LRRCC1: variants seen among roughly 807,000 people sequenced by gnomAD.
LRRCC1 encodes leucine rich repeat and coiled-coil centrosomal protein 1, also known as leucine-rich repeat and coiled-coil domain-containing protein 1.
In LRRCC1, 115 loss-of-function variants were observed where a neutral mutation model predicts 126.0. That is an observed-to-expected ratio of 0.91 (90% confidence interval 0.78 to 1.07). The LOEUF (loss-of-function observed/expected upper bound fraction) is 1.07. Among genes scored for constraint, LRRCC1 ranks in the 50% least tolerant of loss-of-function variants. The probability of loss-of-function intolerance (pLI) is 0.00; values close to 1 mark genes in which losing one functional copy is unlikely to be tolerated. For synonymous variants in LRRCC1, 400 were observed against 393.4 expected (o/e 1.02, Z -0.20); for missense variants, 1,172 against 1,175.7 (o/e 1.00, Z 0.05).
chr8:85,120,388 C>T (rs1322896747), intron 6 of LRRCC1, among the ~76,000 whole-genome samples: 2 of 152,132 alleles, frequency 1.3e-5, no homozygotes, highest in Non-Finnish European at 2.9e-5. Context: ...TTGTGTTTCT[C>T]ACTTTAGTTC....
At chr8:85,135,176 G>T (rs112591837) in intron 13 of LRRCC1, 144 bp downstream of exon 13, 208 of 509,180 alleles carry the variant, frequency 4.1e-4, no homozygotes, top group African/African-American at 3.6e-3. Flanking sequence ...TATAACTAAA[G>T]AAATTAAGCT....
At chr8:85,144,474 ATTT>A (rs56095819) in intron 18 of LRRCC1, among the ~76,000 whole-genome samples, 11 of 46,880 alleles carry the variant, frequency 2.3e-4, no homozygotes, top group Non-Finnish European at 3.2e-4. Flanking sequence ...ATATATATAT[ATTT>A]TTTTTTTTTT....
intron 3 of LRRCC1, among the ~76,000 whole-genome samples, chr8:85,111,861 G>A (rs1046145831): frequency 6.6e-6 from 1 of 151,610 alleles, no homozygotes; most frequent in African/African-American, 2.4e-5. Context: ...ACCACTTTGG[G>A]AAGGAGTTTT....
chr8:85,124,368 T>A (rs1809803275), intron 7 of LRRCC1, among the ~76,000 whole-genome samples: 1 of 152,170 alleles, frequency 6.6e-6, no homozygotes, highest in African/African-American at 2.4e-5. Flanking sequence ...TTCCAGGACA[T>A]ACCCTGGAAT....
At chr8:85,111,696 A>T (rs987478641) in intron 3 of LRRCC1, among the ~76,000 whole-genome samples, 5 of 152,164 alleles carry the variant, frequency 3.3e-5, no homozygotes, top group African/African-American at 1.2e-4. Flanking sequence ...CCATGAAAAA[A>T]AATTGGTTGG....
chr8:85,112,044 T>A (rs2135918992), intron 3 of LRRCC1, among the ~76,000 whole-genome samples: 1 of 152,080 alleles, frequency 6.6e-6, no homozygotes, highest in Admixed American at 6.5e-5. Context: ...GTATTTTTAG[T>A]AGAGACGGGG....
In LRRCC1 at chr8:85,124,799, C is replaced by T. The variant is rs763380978; in HGVS notation, c.1132C>T (p.Arg378Cys). ...KNYNSFVSCN[R>C]KMKPPYLKEL... ...ATGTTTCATTCTTTACAGTTGTAAT[C>T]GTAAAATGAAACCACCTTACCTTAA... The change falls in exon 8 of 19, where the codon CGT becomes TGT. Residue 378 changes from arginine to cysteine, a missense_variant. Arg to Cys is a radical substitution (Grantham distance 180). Coordinates refer to ENST00000360375, the MANE Select transcript of LRRCC1 (RefSeq NM_033402.5). 2 of 1,545,564 alleles carry T rather than the reference C, an allele frequency of 1.3e-6. No individual in the cohort carries two copies. The highest frequency in any genetic ancestry group is 1.2e-5 in the South Asian group (1 of 80,870).
At chr8:85,123,325 A>G (rs547104837) in intron 6 of LRRCC1, 88 bp from the exon 7 acceptor site, 53 of 893,554 alleles carry the variant, frequency 5.9e-5, no homozygotes, top group Non-Finnish European at 9.0e-5. Flanking sequence ...TTAATCATAT[A>G]AAAAGATATA....
chr8:85,134,875 C>T lies in LRRCC1; in HGVS notation c.1997C>T (p.Thr666Ile). The change falls in exon 13 of 19, where the codon ACT becomes ATT. Residue 666 changes from threonine (T) to isoleucine (I), a missense_variant. Coordinates refer to ENST00000360375, the MANE Select transcript of LRRCC1 (RefSeq NM_033402.5). ...AAAGATGGTTTTGAAAATGTTGCAACTGAGTTAGCAAAGAGCAAACATGCT... is the reference window on the plus strand; with the variant it reads ...AAAGATGGTTTTGAAAATGTTGCAATTGAGTTAGCAAAGAGCAAACATGCT... ...DVKDGFENVA[T>I]ELAKSKHALI... The T allele has an allele frequency of 1.3e-6, 2 of 1,573,890 alleles. No homozygotes were observed. The highest frequency in any genetic ancestry group is 2.4e-5 in the South Asian group (2 of 82,996).
chr8:85,123,493 T>C lies in LRRCC1; in HGVS notation c.1011T>C (p.Tyr337=). 2 of 1,611,402 alleles carry C rather than the reference T, an allele frequency of 1.2e-6. No individual in the cohort carries two copies. Among genetic ancestry groups the C allele is most frequent in the South Asian group, 1.1e-5 (1 of 90,682 alleles). The part of the protein sequence containing the change: ...RDTDITSESD[Y]GNRKECNRKV... ...CAGATATAACTTCTGAAAGTGACTA[T>C]GGAAACAGAAAAGAATGCAATAGAA... is the stretch of plus-strand genomic sequence containing the variant. The change falls in exon 7 of 19, where the codon TAT becomes TAC. Residue 337 remains tyrosine, a synonymous_variant. Coordinates refer to ENST00000360375, the MANE Select transcript of LRRCC1 (RefSeq NM_033402.5).
At chr8:85,145,117 G>GTATATA (rs10647086) in intron 18 of LRRCC1, among the ~76,000 whole-genome samples, 65,779 of 142,896 alleles carry the variant, frequency 0.46, 15,524 homozygotes, top group Non-Finnish European at 0.52. Flanking sequence ...ATATATGTGT[G>GTATATA]TATATATATA....
intron 6 of LRRCC1, among the ~76,000 whole-genome samples, chr8:85,121,316 AC>A (rs1222751024): frequency 6.6e-6 from 1 of 152,048 alleles, no homozygotes; most frequent in Admixed American, 6.5e-5. Flanking sequence ...ATTAGGGTCT[AC>A]CATTTTATTG....
rs574420986 is a variant in LRRCC1, at chr8:85,114,751, T to C, written c.545-349T>C. 7.0e-4 allele frequency among the ~76,000 whole-genome samples: 107 copies of C among 152,250 alleles called. 1 individual carries two copies. The highest frequency in any genetic ancestry group is 3.4e-3 in the Middle Eastern group (1 of 294). ...TCATTTATGTTGTTTATATTAACCA[T>C]ATTAAAAAATAAAAGACATGTTTAG... On this transcript the variant is annotated intron_variant, in intron 4 of 18. Coordinates refer to ENST00000360375, the MANE Select transcript of LRRCC1 (RefSeq NM_033402.5).
chr8:85,135,456 T>C (rs372119341), intron 13 of LRRCC1, among the ~76,000 whole-genome samples: 9 of 152,274 alleles, frequency 5.9e-5, no homozygotes, highest in East Asian at 1.9e-4. Flanking sequence ...ATTTTAAACA[T>C]TAATGCTATT....
intron 3 of LRRCC1, among the ~76,000 whole-genome samples, chr8:85,111,439 A>C (rs1261119003): frequency 1.3e-5 from 2 of 152,232 alleles, no homozygotes; most frequent in Non-Finnish European, 2.9e-5. Flanking sequence ...ATGTTTAGCA[A>C]GGTGTTTACT....
In LRRCC1 at chr8:85,137,455, G is replaced by C; in HGVS notation, c.2330-9G>C. 1.3e-6 allele frequency: 2 copies of C among 1,537,750 alleles called. No homozygotes were observed. Among genetic ancestry groups the C allele is most frequent in the African/African-American group, 2.8e-5 (2 of 70,554 alleles). On this transcript the variant is annotated splice_polypyrimidine_tract_variant and intron_variant, in intron 14 of 18. Transcript: ENST00000360375. ...TCAAAGTATGTAATTGATGATTTTT[G>C]TTTCTTAGGATCTTCTCTAGCCCAA...
In LRRCC1 at chr8:85,115,196, C is replaced by T. The variant is rs868039020; in HGVS notation, c.641C>T (p.Ser214Leu). 1.9e-6 allele frequency: 3 copies of T among 1,612,644 alleles called. No homozygotes were observed. In the East Asian group the frequency reaches 6.7e-5, roughly 36 times the overall value. Residue 214 changes from serine to leucine, a missense_variant, in exon 5 of 19, where the codon TCA (serine) becomes TTA (leucine). Ser to Leu is a moderately radical substitution (Grantham distance 145). Transcript: ENST00000360375. The part of the protein sequence containing the change: ...GEPVNLTEIN[S>L]SQLQCLEGLL... ...CCAGTAAATTTGACAGAAATAAATTCATCACAGCTGCAGTGCCTAGAAGGT... is the reference window on the plus strand; with the variant it reads ...CCAGTAAATTTGACAGAAATAAATTTATCACAGCTGCAGTGCCTAGAAGGT...
chr8:85,108,193 C>A (rs1808415768), intron 1 of LRRCC1, among the ~76,000 whole-genome samples: 1 of 152,230 alleles, frequency 6.6e-6, no homozygotes, highest in Non-Finnish European at 1.5e-5. Flanking sequence ...TCTACGCGAA[C>A]TCTGCTACTG....
chr8:85,137,448 G>T lies in LRRCC1; in HGVS notation c.2330-16G>T, dbSNP rs774765684. On this transcript the variant is annotated splice_polypyrimidine_tract_variant and intron_variant, in intron 14 of 18. Coordinates refer to ENST00000360375, the MANE Select transcript of LRRCC1 (RefSeq NM_033402.5). ...AGGTGTTTCAAAGTATGTAATTGATGATTTTTGTTTCTTAGGATCTTCTCT... is the reference window on the plus strand; with the variant it reads ...AGGTGTTTCAAAGTATGTAATTGATTATTTTTGTTTCTTAGGATCTTCTCT... The T allele has an allele frequency of 1.3e-6, 2 of 1,533,282 alleles. No homozygotes were observed. Among genetic ancestry groups the T allele is most frequent in the South Asian group, 1.3e-5 (1 of 74,896 alleles). 95.0% of individuals were successfully genotyped at this position (1,533,282 alleles called of 1,614,324 possible). A position where few individuals can be genotyped will look rare whatever the true frequency, so the allele number is the denominator to read the frequency against.
Sources: gnomAD v4.1 joint callset for allele counts (sites outside exome capture counted in the v4.1 genomes callset) on GRCh38, gnomAD v4.1.1 for gene constraint, MANE v1.5 for transcripts, NCBI Gene and HGNC (gene_info 2026-07-23, HGNC 2026-07-21) for gene names.